Variants in NME9 observed in about 807,000 individuals in gnomAD.
The protein encoded by NME9 is thioredoxin domain-containing protein 6.
In NME9, 48 loss-of-function variants were observed where a neutral mutation model predicts 44.4. That is an observed-to-expected ratio of 1.08 (90% confidence interval 0.86 to 1.37). The LOEUF is 1.37. Ranked by LOEUF, NME9 falls within the 40% of genes most tolerant of loss-of-function variation. The pLI, the probability that NME9 is intolerant of heterozygous loss-of-function variation, is 0.00. For missense variants in NME9, 325 were observed against 405.2 expected, an observed-to-expected ratio of 0.80 and a Z score of 1.70; for synonymous variants, 139 against 147.1, an observed-to-expected ratio of 0.94 and a Z score of 0.40.
rs775005987 is a variant in NME9, at chr3:138,284,517, G to A, written c.745+18990C>T. ...ATGATGATATCCTACAGAAAATCAA[G>A]TATTACATGGTGAGCCCTTGTCCCC... On this transcript the variant is annotated intron_variant, in intron 8 of 8. Transcript: ENST00000317876. 21 of 1,609,410 alleles carry A rather than the reference G, an allele frequency of 1.3e-5. No homozygotes were observed. In the Admixed American group the frequency reaches 2.2e-4, roughly 17 times the overall value.
At chr3:138,291,500 T>C (rs1030957018) in intron 8 of NME9, among the ~76,000 whole-genome samples, 4 of 152,220 alleles carry the variant, frequency 2.6e-5, no homozygotes, top group African/African-American at 9.6e-5. Context: ...GCACTGGAGA[T>C]ATAATGGTGA....
chr3:138,263,974 G>A, intron 8 of NME9: 2 of 952,062 alleles, frequency 2.1e-6, no homozygotes, highest in Non-Finnish European at 3.3e-6. Flanking sequence ...CTAACAGAGA[G>A]CCTGGCCTCC....
At chr3:138,309,182 G>C (rs1052239033) in intron 6 of NME9, among the ~76,000 whole-genome samples, 2 of 151,948 alleles carry the variant, frequency 1.3e-5, no homozygotes, top group Admixed American at 6.6e-5. Flanking sequence ...TGTAATCCCA[G>C]CTACTGGGGA....
chr3:138,274,580 A>G (rs1286009884), intron 8 of NME9: 3 of 1,491,394 alleles, frequency 2.0e-6, no homozygotes, highest in Non-Finnish European at 2.8e-6. Context: ...ATATTTTCTG[A>G]ATGTGAGCAC....
intron 2 of NME9, chr3:138,324,264 T>C: frequency 3.0e-6 from 1 of 330,480 alleles, no homozygotes; most frequent in Non-Finnish European, 6.0e-6. Flanking sequence ...TGCTCCTCGT[T>C]GAGCCTTGAG....
intron 8 of NME9, among the ~76,000 whole-genome samples, chr3:138,286,749 A>G (rs191603796): frequency 1.3e-5 from 2 of 152,258 alleles, no homozygotes; most frequent in Non-Finnish European, 1.5e-5. Flanking sequence ...TTGCCTTAGG[A>G]GAATCTCATC....
chr3:138,276,864 T>C (rs773592125), intron 8 of NME9, among the ~76,000 whole-genome samples: 5 of 152,234 alleles, frequency 3.3e-5, no homozygotes, highest in Non-Finnish European at 5.9e-5. Context: ...AGCATGTTTG[T>C]TTATAAATAT....
chr3:138,270,799 G>A (rs552796130), intron 8 of NME9, among the ~76,000 whole-genome samples: 28 of 152,062 alleles, frequency 1.8e-4, no homozygotes, highest in Admixed American at 3.3e-4. Context: ...AAAACTTTGA[G>A]GTTAGAGAAC....
At chr3:138,266,611 A>C (rs2048309549) in intron 8 of NME9, among the ~76,000 whole-genome samples, 1 of 152,210 alleles carries the variant, frequency 6.6e-6, no homozygotes, top group Admixed American at 6.5e-5. Context: ...ATGAAGAAAT[A>C]CAGGCTCAGG....
In NME9 at chr3:138,312,583, T is replaced by C. The variant is rs1257054270; in HGVS notation, c.460+1749A>G. 2.6e-5 allele frequency among the ~76,000 whole-genome samples: 4 copies of C among 152,298 alleles called. No individual in the cohort carries two copies. The East Asian group carries it at 7.7e-4, about 29-fold the overall frequency. ...AAGAATGAAATTACACCCCTATTTC[T>C]CACCATATACAAATACAAAATCAAA... On this transcript the variant is annotated intron_variant, in intron 6 of 10. Coordinates refer to ENST00000333911, the MANE Select transcript of NME9 (RefSeq NM_001349018.2).
downstream of NME9, among the ~76,000 whole-genome samples, chr3:138,300,601 T>C (rs2051788055): frequency 6.6e-6 from 1 of 152,180 alleles, no homozygotes; most frequent in Non-Finnish European, 1.5e-5. Flanking sequence ...CCTGTGTCCC[T>C]CCAGGGAAGA....
At chr3:138,304,395 C>A (rs1264179021) in intron 9 of NME9, among the ~76,000 whole-genome samples, 1 of 152,182 alleles carries the variant, frequency 6.6e-6, no homozygotes. Context: ...AAGGAGCAGG[C>A]CAAGCAAGCC....
chr3:138,313,624 A>G (rs2052858069), intron 6 of NME9, among the ~76,000 whole-genome samples: 1 of 152,240 alleles, frequency 6.6e-6, no homozygotes, highest in Admixed American at 6.5e-5. Context: ...TGTTTATTGC[A>G]GCAGTATTCA....
chr3:138,319,562 G>A lies in NME9; in HGVS notation c.111C>T (p.Gly37=). 1 of 1,610,710 alleles carries A rather than the reference G, an allele frequency of 6.2e-7. No homozygotes were observed. Among genetic ancestry groups the A allele is most frequent in the Admixed American group, 1.7e-5 (1 of 60,008 alleles). ...KGLTVVDVYQ[G]WCGPCKPVVS... ...CCACAGGTTTGCAGGGGCCACACCA[G>A]CCTTGATAGACATCAACAACTGTGT... The change falls in exon 3 of 11, where the codon GGC becomes GGT. Residue 37 remains glycine, a synonymous_variant. Coordinates refer to ENST00000333911, the MANE Select transcript of NME9 (RefSeq NM_001349018.2).
chr3:138,300,773 T>C (rs188832334), downstream of NME9, among the ~76,000 whole-genome samples: 1 of 152,286 alleles, frequency 6.6e-6, no homozygotes, highest in East Asian at 1.9e-4. Flanking sequence ...TGGTTCCAAA[T>C]TTAATGTCTG....
At chr3:138,276,413 G>C (rs987476499) in intron 8 of NME9, among the ~76,000 whole-genome samples, 11 of 152,130 alleles carry the variant, frequency 7.2e-5, no homozygotes, top group African/African-American at 2.7e-4. Context: ...AACAAGACAA[G>C]TATGTCCATT....
At position 138,313,411 on chromosome 3, in the gene NME9, C is replaced by CA. The variant is rs764304707; in HGVS notation, c.460+920dup. 7.3e-5 allele frequency among the ~76,000 whole-genome samples: 11 copies of CA among 150,836 alleles called. No individual in the cohort carries two copies. The South Asian group carries it at 1.0e-3, about 14-fold the overall frequency. ...TGTCTCAAAACAAAACAAAGCAAAA[C>CA]AAAAAAAAGAATAATGAGGTGAGGA... On this transcript the variant is annotated intron_variant, in intron 6 of 10. Transcript: ENST00000333911.
chr3:138,283,200 A>T (rs2050106379), intron 8 of NME9, among the ~76,000 whole-genome samples: 1 of 152,244 alleles, frequency 6.6e-6, no homozygotes, highest in African/African-American at 2.4e-5. Context: ...GCAGTGTGTT[A>T]ATCTAGGAGA....
At chr3:138,264,758 TCTGATCTCCCTATTTGTTTAATATTAC>T (rs2048112799) in intron 8 of NME9, among the ~76,000 whole-genome samples, 1 of 152,120 alleles carries the variant, frequency 6.6e-6, no homozygotes, top group Non-Finnish European at 1.5e-5. Flanking sequence ...TAGTTACTCA[TCTGATCTCCCTATTTGTTTAATATTAC>T]ACCTTAACCT....
Sources: gnomAD v4.1 joint callset for allele counts (sites outside exome capture counted in the v4.1 genomes callset) on GRCh38, gnomAD v4.1.1 for gene constraint, MANE v1.5 for transcripts, NCBI Gene and HGNC (gene_info 2026-07-23, HGNC 2026-07-21) for gene names.